The following RAP1GDS1 variants were observed in gnomAD, a reference collection of about 807,000 sequenced individuals.
RAP1GDS1 encodes RAP1, GTP-GDP dissociation stimulator 1.
A neutral mutation model predicts 71.1 loss-of-function variants in RAP1GDS1; 35 were observed. The observed-to-expected ratio is 0.49, with a 90% CI of 0.38 to 0.65. The LOEUF (loss-of-function observed/expected upper bound fraction) is 0.65. Among genes scored for constraint, RAP1GDS1 ranks in the 30% least tolerant of loss-of-function variants. The pLI is 0.00. For synonymous variants in RAP1GDS1, 229 were observed against 243.1 expected (o/e 0.94, Z 0.54); for missense variants, 663 against 706.1 (o/e 0.94, Z 0.69).
intron 12 of RAP1GDS1, among the ~76,000 whole-genome samples, chr4:98,421,746 A>C (rs938703820): frequency 1.2e-4 from 18 of 152,302 alleles, no homozygotes; most frequent in South Asian, 2.1e-4. Flanking sequence ...GTTAGAAAAA[A>C]ATCCATTCTT....
At chr4:98,326,141 T>G (rs1733041452) in intron 2 of RAP1GDS1, among the ~76,000 whole-genome samples, 1 of 151,636 alleles carries the variant, frequency 6.6e-6, no homozygotes, top group African/African-American at 2.4e-5. Context: ...TGATATTTCT[T>G]TCATTCATTT....
intron 12 of RAP1GDS1, among the ~76,000 whole-genome samples, chr4:98,424,439 G>A (rs1749322099): frequency 6.6e-6 from 1 of 152,084 alleles, no homozygotes; most frequent in African/African-American, 2.4e-5. Context: ...AAACACCTGT[G>A]GCATTTGAAG....
Position 98,391,875 on chromosome 4 carries a change from G to GGT in RAP1GDS1, c.509-74_509-73dup, listed in dbSNP as rs1433805190. 3.8e-6 allele frequency: 5 copies of GGT among 1,304,434 alleles called. No homozygotes were observed. In the African/African-American group the frequency reaches 7.5e-5, roughly 20 times the overall value. 80.8% of individuals were successfully genotyped at this position (1,304,434 alleles called of 1,614,324 possible). A position where few individuals can be genotyped will look rare whatever the true frequency, so the allele number is the denominator to read the frequency against. ...TGAGTTTCCAATAGGGAAAATAAGA[G>GGT]GTGTTTTCTTCTTATAATGTTCATT... On this transcript the variant is annotated intron_variant, in intron 5 of 14. Coordinates refer to ENST00000408927, the MANE Select transcript of RAP1GDS1 (RefSeq NM_001100427.2).
At chr4:98,335,012 A>G (rs917521885) in intron 2 of RAP1GDS1, among the ~76,000 whole-genome samples, 3 of 152,054 alleles carry the variant, frequency 2.0e-5, no homozygotes, top group African/African-American at 7.2e-5. Flanking sequence ...GAGAGTTTGA[A>G]TAATGACTGT....
chr4:98,281,400 T>C (rs144014351), intron 1 of RAP1GDS1, among the ~76,000 whole-genome samples: 10,033 of 152,084 alleles, frequency 0.066, 372 homozygotes, highest in Admixed American at 0.13. Context: ...CACTCATGAT[T>C]TGGCTGTTTG....
intron 1 of RAP1GDS1, among the ~76,000 whole-genome samples, chr4:98,281,961 A>C (rs1269708232): frequency 6.6e-6 from 1 of 152,156 alleles, no homozygotes; most frequent in African/African-American, 2.4e-5. Flanking sequence ...GATGAAGCCA[A>C]GTTGATCGTG....
intron 1 of RAP1GDS1, among the ~76,000 whole-genome samples, chr4:98,270,154 T>C (rs922883424): frequency 2.4e-4 from 36 of 152,156 alleles, no homozygotes; most frequent in Non-Finnish European, 1.3e-4. Context: ...TCTGGTAAGC[T>C]CTTTTTATAA....
chr4:98,288,387 T>C (rs1578314034), intron 1 of RAP1GDS1, among the ~76,000 whole-genome samples: 1 of 152,320 alleles, frequency 6.6e-6, no homozygotes, highest in East Asian at 1.9e-4. Context: ...CTGCATAGTA[T>C]TCCATGGTGT....
chr4:98,264,362 C>T (rs1255557768), intron 1 of RAP1GDS1, among the ~76,000 whole-genome samples: 1 of 152,192 alleles, frequency 6.6e-6, no homozygotes, highest in South Asian at 2.1e-4. Context: ...TGCCATTGCA[C>T]TCCAGCCTGG....
chr4:98,273,071 T>G (rs1232137580), intron 1 of RAP1GDS1, among the ~76,000 whole-genome samples: 2 of 152,150 alleles, frequency 1.3e-5, no homozygotes, highest in African/African-American at 4.8e-5. Context: ...AATTGGTCAT[T>G]GTCGACTTCT....
chr4:98,349,788 G>A (rs1266062631), intron 3 of RAP1GDS1, among the ~76,000 whole-genome samples: 1 of 151,610 alleles, frequency 6.6e-6, no homozygotes, highest in East Asian at 1.9e-4. Context: ...TGGTGTATAA[G>A]AATGCTTATG....
intron 5 of RAP1GDS1, among the ~76,000 whole-genome samples, chr4:98,385,655 T>A (rs1482217572): frequency 6.6e-6 from 1 of 151,902 alleles, no homozygotes; most frequent in Non-Finnish European, 1.5e-5. Context: ...TACTAAAAAA[T>A]TTTTAAGTCC....
At chr4:98,377,022 A>G (rs942561463) in intron 4 of RAP1GDS1, among the ~76,000 whole-genome samples, 2 of 151,992 alleles carry the variant, frequency 1.3e-5, no homozygotes, top group African/African-American at 4.8e-5. Flanking sequence ...ATAAGAAGCC[A>G]GCTTTCATTC....
chr4:98,281,126 GT>G (rs1478232836), intron 1 of RAP1GDS1, among the ~76,000 whole-genome samples: 2 of 152,000 alleles, frequency 1.3e-5, no homozygotes, highest in Non-Finnish European at 2.9e-5. Context: ...CTTGAAAGTA[GT>G]TTTTTCCAAT....
chr4:98,332,095 T>C (rs771539053), intron 2 of RAP1GDS1, among the ~76,000 whole-genome samples: 1 of 152,226 alleles, frequency 6.6e-6, no homozygotes, highest in Non-Finnish European at 1.5e-5. Context: ...AGAGAATTTT[T>C]CTGCAGTGTA....
intron 1 of RAP1GDS1, among the ~76,000 whole-genome samples, chr4:98,268,113 A>G (rs75991899): frequency 0.022 from 3,348 of 152,268 alleles, 124 homozygotes; most frequent in African/African-American, 0.074. Context: ...TAAGAGGATC[A>G]TACGTCATGA....
chr4:98,411,066 TAAA>T (rs913578759), intron 7 of RAP1GDS1, among the ~76,000 whole-genome samples: 1 of 152,168 alleles, frequency 6.6e-6, no homozygotes, highest in Non-Finnish European at 1.5e-5. Flanking sequence ...TTTCACTCTT[TAAA>T]AAAAGTTTTA....
At chr4:98,386,934 A>G (rs896018413) in intron 5 of RAP1GDS1, among the ~76,000 whole-genome samples, 3 of 152,128 alleles carry the variant, frequency 2.0e-5, no homozygotes, top group Admixed American at 6.6e-5. Context: ...TTGGAAATAC[A>G]GATATGTCAT....
intron 2 of RAP1GDS1, among the ~76,000 whole-genome samples, chr4:98,328,563 G>A (rs566059284): frequency 3.3e-5 from 5 of 152,238 alleles, no homozygotes; most frequent in East Asian, 3.9e-4. Flanking sequence ...TTTAGGATTC[G>A]TTCTAGTCTA....
Sources: gnomAD v4.1 joint callset for allele counts (sites outside exome capture counted in the v4.1 genomes callset) on GRCh38, gnomAD v4.1.1 for gene constraint, MANE v1.5 for transcripts, NCBI Gene and HGNC (gene_info 2026-07-23, HGNC 2026-07-21) for gene names.